The following ADAMTS18 variants were observed in gnomAD, a reference collection of about 807,000 sequenced individuals.
ADAMTS18 encodes A disintegrin and metalloproteinase with thrombospondin motifs 18.
ADAMTS18 carries 157 observed loss-of-function variants against 165.9 expected under a neutral mutation model. That is an observed-to-expected ratio of 0.95 (90% CI 0.83 to 1.08). The LOEUF is 1.08. Among genes scored for constraint, ADAMTS18 ranks in the 50% least tolerant of loss-of-function variants. The probability of loss-of-function intolerance (pLI) is 0.00; values close to 1 mark genes in which losing one functional copy is unlikely to be tolerated. For missense variants in ADAMTS18, 2,040 were observed against 1,534.0 expected (o/e 1.33, Z -5.51); for synonymous variants, 782 against 578.2 (o/e 1.35, Z -5.06).
intron 3 of ADAMTS18, among the ~76,000 whole-genome samples, chr16:77,400,680 A>T (rs142678464): frequency 0.016 from 2,430 of 150,692 alleles, 63 homozygotes; most frequent in African/African-American, 0.057. Flanking sequence ...ACAGGGTTTC[A>T]CCGTGGTCTC....
chr16:77,353,937 C>A (rs2056592776), intron 9 of ADAMTS18, 51 bp from the exon 10 acceptor site: 3 of 1,607,978 alleles, frequency 1.9e-6, no homozygotes, highest in Non-Finnish European at 2.6e-6. Context: ...TGTGATCTTT[C>A]CATTTACGAC....
chr16:77,346,924 A>G (rs1046056266), intron 10 of ADAMTS18, among the ~76,000 whole-genome samples: 1 of 152,186 alleles, frequency 6.6e-6, no homozygotes, highest in African/African-American at 2.4e-5. Context: ...AAGGCAGAAT[A>G]TTTCCATCAC....
At chr16:77,342,267 T>C (rs760385652) in intron 10 of ADAMTS18, among the ~76,000 whole-genome samples, 1 of 152,340 alleles carries the variant, frequency 6.6e-6, no homozygotes, top group East Asian at 1.9e-4. Context: ...CTTGACTCTA[T>C]AGACTTATTC....
intron 3 of ADAMTS18, among the ~76,000 whole-genome samples, chr16:77,373,465 G>GAAAA (rs371326389): frequency 1.3e-5 from 1 of 78,210 alleles, no homozygotes; most frequent in East Asian, 4.0e-4. Context: ...CCTCAAAAAA[G>GAAAA]AAAAAAAAAA....
At position 77,343,766 on chromosome 16, in the gene ADAMTS18, A is replaced by T. The variant is rs570396906; in HGVS notation, c.1615-1967T>A. Among the ~76,000 whole-genome samples, 98 of 152,326 alleles carry T rather than the reference A, an allele frequency of 6.4e-4. 2 individuals are homozygous for T. The highest frequency in any genetic ancestry group is 2.3e-3 in the African/African-American group (95 of 41,572). On this transcript the variant is annotated intron_variant, in intron 10 of 22. Coordinates refer to ENST00000282849, the MANE Select transcript of ADAMTS18 (RefSeq NM_199355.4). ...CAGATTACTTTCCGTTCTAACAGTTAAAGTTGATATTTACAATTATAGCAC... is the reference window on the plus strand; with the variant it reads ...CAGATTACTTTCCGTTCTAACAGTTTAAGTTGATATTTACAATTATAGCAC...
chr16:77,411,506 G>C (rs1420100563), intron 3 of ADAMTS18, among the ~76,000 whole-genome samples: 1 of 151,982 alleles, frequency 6.6e-6, no homozygotes, highest in African/African-American at 2.4e-5. Flanking sequence ...CATGACACTA[G>C]CCATCTAGTA....
intron 3 of ADAMTS18, among the ~76,000 whole-genome samples, chr16:77,373,893 G>C (rs1235884953): frequency 1.3e-5 from 2 of 152,018 alleles, no homozygotes; most frequent in African/African-American, 2.4e-5. Context: ...GAGTATCTCT[G>C]ATGCATGCCA....
Position 77,355,972 on chromosome 16 carries a change from G to T in ADAMTS18, c.1428C>A (p.Ser476=), listed in dbSNP as rs774500379. ...TGNNGVFSWS[S]CSRQYLKKFL... ...ATTTCTTGAGATACTGGCGGCTGCA[G>T]GAAGACCATGAAAACACTCCATTGT... The change falls in exon 9 of 23, where the codon TCC becomes TCA. Residue 476 remains serine, a synonymous_variant. Coordinates refer to ENST00000282849, the MANE Select transcript of ADAMTS18 (RefSeq NM_199355.4). 5 of 1,613,960 alleles carry T rather than the reference G, an allele frequency of 3.1e-6. No individual in the cohort carries two copies. Among genetic ancestry groups the T allele is most frequent in the African/African-American group, 1.3e-5 (1 of 74,904 alleles).
intron 13 of ADAMTS18, among the ~76,000 whole-genome samples, chr16:77,324,544 C>T (rs544451465): frequency 2.6e-5 from 4 of 152,072 alleles, no homozygotes; most frequent in Admixed American, 2.0e-4. Flanking sequence ...CTTGTGGAAC[C>T]TAAATTCTTG....
chr16:77,413,333 T>C (rs1318287894), intron 3 of ADAMTS18, among the ~76,000 whole-genome samples: 10 of 152,200 alleles, frequency 6.6e-5, no homozygotes, highest in East Asian at 1.9e-4. Flanking sequence ...TCTCCAGCTA[T>C]GGAAGAAACC....
chr16:77,434,848 G>A lies in ADAMTS18; in HGVS notation c.-153C>T, dbSNP rs1263273084. 1.7e-6 allele frequency: 1 copy of A among 577,280 alleles called. No individual in the cohort carries two copies. The highest frequency in any genetic ancestry group is 2.0e-5 in the African/African-American group (1 of 50,436). 35.8% of individuals were successfully genotyped at this position (577,280 alleles called of 1,614,324 possible). A position where few individuals can be genotyped will look rare whatever the true frequency, so the allele number is the denominator to read the frequency against. ...GTTCACATCGCAGCGGGGGCGCGCT[G>A]GGACCTCCCCTCCTCCGGCCGCCTG... On this transcript the variant is annotated 5_prime_UTR_variant, in exon 1 of 23. Transcript: ENST00000282849.
At chr16:77,345,891 G>A (rs929913154) in intron 10 of ADAMTS18, among the ~76,000 whole-genome samples, 2 of 152,082 alleles carry the variant, frequency 1.3e-5, no homozygotes, top group African/African-American at 4.8e-5. Flanking sequence ...AATTCATCAC[G>A]AGAAAAATCC....
intron 15 of ADAMTS18, among the ~76,000 whole-genome samples, chr16:77,320,825 G>T (rs1388457649): frequency 2.0e-5 from 3 of 152,118 alleles, no homozygotes; most frequent in African/African-American, 7.2e-5. Context: ...AATGCACTTG[G>T]ACATACATGG....
At chr16:77,332,839 T>C (rs2056212392) in intron 12 of ADAMTS18, among the ~76,000 whole-genome samples, 1 of 152,210 alleles carries the variant, frequency 6.6e-6, no homozygotes, top group Admixed American at 6.5e-5. Flanking sequence ...TGGGACTTTC[T>C]GTGTTTGAAG....
intron 18 of ADAMTS18, among the ~76,000 whole-genome samples, chr16:77,296,052 TTATA>T (rs1013563520): frequency 2.6e-5 from 4 of 151,890 alleles, no homozygotes; most frequent in African/African-American, 9.7e-5. Flanking sequence ...ACGCACATCT[TTATA>T]TATAAAGATT....
intron 10 of ADAMTS18, among the ~76,000 whole-genome samples, chr16:77,345,512 C>T (rs1381638687): frequency 1.3e-5 from 2 of 152,160 alleles, no homozygotes; most frequent in East Asian, 3.9e-4. Context: ...TCCAAGCCAC[C>T]CGACATGGAG....
In ADAMTS18 at chr16:77,367,395, T is replaced by A; in HGVS notation, c.778+46A>T. The A allele has an allele frequency of 1.9e-6, 3 of 1,611,998 alleles. No homozygotes were observed. The Admixed American group carries it at 5.0e-5, about 27-fold the overall frequency. On this transcript the variant is annotated intron_variant, in intron 4 of 22. Coordinates refer to ENST00000282849, the MANE Select transcript of ADAMTS18 (RefSeq NM_199355.4). ...ACCCAACAGCACTCAGGAAAACCTG[T>A]CGAGGCCCACATAAGAACAGAAAAA... is the stretch of plus-strand genomic sequence containing the variant.
intron 16 of ADAMTS18, among the ~76,000 whole-genome samples, chr16:77,316,427 G>T (rs1344392994): frequency 2.6e-5 from 4 of 151,840 alleles, no homozygotes; most frequent in Admixed American, 6.6e-5. Flanking sequence ...GCTAATTTTT[G>T]TATTTTTCAG....
intron 3 of ADAMTS18, among the ~76,000 whole-genome samples, chr16:77,390,488 G>C (rs1597214011): frequency 6.6e-6 from 1 of 152,002 alleles, no homozygotes; most frequent in African/African-American, 2.4e-5. Context: ...TCAGGAGTTT[G>C]AGACCAGCCT....
Sources: allele counts gnomAD v4.1 joint callset (sites outside exome capture counted in the v4.1 genomes callset), GRCh38; gene constraint gnomAD v4.1.1; transcripts MANE v1.5; gene names NCBI Gene and HGNC (gene_info 2026-07-23, HGNC 2026-07-21).